The following CENPW variants were observed in gnomAD, a reference collection of about 807,000 sequenced individuals.
CENPW encodes the protein centromere protein W.
A neutral mutation model predicts 11.1 loss-of-function variants in CENPW; 3 were observed. The ratio of observed to expected loss-of-function variants is 0.27; its 90% CI spans 0.12 to 0.70. The LOEUF (loss-of-function observed/expected upper bound fraction) is 0.70. CENPW is among the 30% of genes least tolerant of loss of function. The pLI, the probability that CENPW is intolerant of heterozygous loss-of-function variation, is 0.77. For missense variants in CENPW, 100 were observed against 105.6 expected, an observed-to-expected ratio of 0.95 and a Z score of 0.23; for synonymous variants, 38 against 42.0, an observed-to-expected ratio of 0.91 and a Z score of 0.37.
chr6:126,456,772 A>G, the CENPW span, among the ~76,000 whole-genome samples: 3 of 151,802 alleles, frequency 2.0e-5, no homozygotes, highest in Non-Finnish European at 4.4e-5. Context: ...CACAACCTAC[A>G]GAATGGGAGA....
the CENPW span, among the ~76,000 whole-genome samples, chr6:126,443,977 C>T: frequency 6.6e-6 from 1 of 150,582 alleles, no homozygotes; most frequent in South Asian, 2.1e-4. Context: ...TTCCTTGAGA[C>T]TCTCAAATAT....
chr6:126,379,788 G>A, the CENPW span, among the ~76,000 whole-genome samples: 1 of 152,052 alleles, frequency 6.6e-6, no homozygotes, highest in Non-Finnish European at 1.5e-5. Flanking sequence ...TGATTATTCT[G>A]GAGAAAGAAA....
At chr6:126,392,567 T>C in the CENPW span, among the ~76,000 whole-genome samples, 3 of 152,016 alleles carry the variant, frequency 2.0e-5, no homozygotes, top group Non-Finnish European at 4.4e-5. Flanking sequence ...AATGATCATA[T>C]GGTTTTAGTC....
At chr6:126,373,797 A>AG in the CENPW span, among the ~76,000 whole-genome samples, 1 of 152,194 alleles carries the variant, frequency 6.6e-6, no homozygotes, top group Non-Finnish European at 1.5e-5. Flanking sequence ...ACCCACTTTT[A>AG]CCACATTCTA....
At chr6:126,453,547 C>T in the CENPW span, among the ~76,000 whole-genome samples, 1 of 151,172 alleles carries the variant, frequency 6.6e-6, no homozygotes, top group African/African-American at 2.4e-5. Flanking sequence ...GCAAGATGTC[C>T]TTAAGGGAGT....
the CENPW span, among the ~76,000 whole-genome samples, chr6:126,457,209 G>A: frequency 1.3e-5 from 2 of 151,258 alleles, no homozygotes; most frequent in Non-Finnish European, 3.0e-5. Context: ...CAATATGGGA[G>A]TATATACCAA....
At chr6:126,456,637 A>C in the CENPW span, among the ~76,000 whole-genome samples, 1 of 151,292 alleles carries the variant, frequency 6.6e-6, no homozygotes, top group South Asian at 2.1e-4. Flanking sequence ...CTGGACATAG[A>C]CCCTGACAAA....
At chr6:126,464,712 T>G in the CENPW span, among the ~76,000 whole-genome samples, 2 of 152,148 alleles carry the variant, frequency 1.3e-5, no homozygotes, top group African/African-American at 4.8e-5. Context: ...TTTGCGATTT[T>G]GGGACTTGGA....
the CENPW span, among the ~76,000 whole-genome samples, chr6:126,355,868 G>A: frequency 6.6e-6 from 1 of 152,144 alleles, no homozygotes; most frequent in Non-Finnish European, 1.5e-5. Context: ...ATGTGCAGAT[G>A]TGTTATTCAC....
chr6:126,375,019 G>C, the CENPW span, among the ~76,000 whole-genome samples: 3 of 152,150 alleles, frequency 2.0e-5, no homozygotes, highest in African/African-American at 7.2e-5. Context: ...TTGCTCCTCA[G>C]GTTAATTTTA....
chr6:126,340,405 A>G lies in CENPW; in HGVS notation c.126+6A>G, dbSNP rs1331759519. 6.2e-7 allele frequency: 1 copy of G among 1,614,174 alleles called. No homozygotes were observed. The highest frequency in any genetic ancestry group is 2.2e-5 in the East Asian group (1 of 44,882). ...AGAAAAGTGGTGACTTATTGGTGAG[A>G]TTCCATCCCTTCTCGGGCTGGGAAT... On this transcript the variant is annotated splice_donor_region_variant and intron_variant, in intron 1 of 2. Transcript: ENST00000368328.
intron 1 of CENPW, among the ~76,000 whole-genome samples, chr6:126,343,284 G>T (rs1386370840): frequency 6.6e-6 from 1 of 152,056 alleles, no homozygotes; most frequent in Admixed American, 6.5e-5. Context: ...AAGCCTTAGC[G>T]CATTGGAGTA....
the CENPW span, among the ~76,000 whole-genome samples, chr6:126,364,659 T>C: frequency 3.9e-5 from 6 of 152,204 alleles, no homozygotes; most frequent in African/African-American, 1.4e-4. Flanking sequence ...TCAAGGTTGT[T>C]TTTCTCATGA....
chr6:126,341,033 A>G (rs1242667634), intron 1 of CENPW, among the ~76,000 whole-genome samples: 1 of 152,232 alleles, frequency 6.6e-6, no homozygotes, highest in Non-Finnish European at 1.5e-5. Context: ...AAGTAATAGA[A>G]CACCTAGTCA....
the CENPW span, among the ~76,000 whole-genome samples, chr6:126,480,687 T>C: frequency 1.3e-5 from 2 of 152,146 alleles, no homozygotes; most frequent in Middle Eastern, 3.4e-3. Flanking sequence ...AATGACTCTT[T>C]TGTGGTAGAA....
the CENPW span, among the ~76,000 whole-genome samples, chr6:126,368,435 A>T: frequency 1.3e-5 from 2 of 152,072 alleles, no homozygotes; most frequent in African/African-American, 2.4e-5. Context: ...GAACCCATTG[A>T]TTCTTCAAAA....
chr6:126,428,367 A>G, the CENPW span, among the ~76,000 whole-genome samples: 3 of 152,218 alleles, frequency 2.0e-5, no homozygotes, highest in African/African-American at 7.2e-5. Context: ...GTTATTTCAT[A>G]GAGAACTGAA....
the CENPW span, among the ~76,000 whole-genome samples, chr6:126,381,655 C>T: frequency 6.6e-6 from 1 of 152,196 alleles, no homozygotes; most frequent in African/African-American, 2.4e-5. Context: ...CAACATGCAC[C>T]TTGCCGCACT....
chr6:126,428,060 A>G, the CENPW span, among the ~76,000 whole-genome samples: 1 of 152,244 alleles, frequency 6.6e-6, no homozygotes, highest in South Asian at 2.1e-4. Context: ...ACCCGAAAGA[A>G]AAGCTTACCT....
Sources: allele counts gnomAD v4.1 joint callset (sites outside exome capture counted in the v4.1 genomes callset), GRCh38; gene constraint gnomAD v4.1.1; transcripts MANE v1.5; gene names NCBI Gene and HGNC (gene_info 2026-07-23, HGNC 2026-07-21).